SPAG17: variants seen among roughly 807,000 people sequenced by gnomAD.
SPAG17 encodes sperm-associated antigen 17.
In SPAG17, 169 loss-of-function variants were observed where a neutral mutation model predicts 273.6. The ratio of observed to expected loss-of-function variants is 0.62; its 90% confidence interval spans 0.55 to 0.70. The LOEUF (loss-of-function observed/expected upper bound fraction) is 0.70. Among genes scored for constraint, SPAG17 ranks in the 30% least tolerant of loss-of-function variants. The pLI is 0.00. For synonymous variants in SPAG17, 825 were observed against 873.2 expected (o/e 0.94, Z 0.97); for missense variants, 2,557 against 2,627.8 (o/e 0.97, Z 0.59).
At chr1:118,139,319 C>A (rs1658538233) in intron 3 of SPAG17, among the ~76,000 whole-genome samples, 1 of 152,074 alleles carries the variant, frequency 6.6e-6, no homozygotes, top group African/African-American at 2.4e-5. Flanking sequence ...TAACAAGTGT[C>A]AGCCAGGATG....
chr1:118,149,394 T>C (rs1279438218), intron 3 of SPAG17, among the ~76,000 whole-genome samples: 1 of 152,166 alleles, frequency 6.6e-6, no homozygotes, highest in African/African-American at 2.4e-5. Context: ...TTTGGGGGGT[T>C]AATTGATCCC....
At chr1:118,120,393 G>A (rs2102270402) in intron 3 of SPAG17, among the ~76,000 whole-genome samples, 1 of 152,206 alleles carries the variant, frequency 6.6e-6, no homozygotes, top group Non-Finnish European at 1.5e-5. Context: ...AGGTCTATAT[G>A]ATAGGGAAAA....
intron 1 of SPAG17, among the ~76,000 whole-genome samples, chr1:118,164,902 C>T (rs1431743498): frequency 6.6e-6 from 1 of 152,194 alleles, no homozygotes; most frequent in African/African-American, 2.4e-5. Flanking sequence ...GTAAAGCACA[C>T]ACTTTATTGT....
intron 24 of SPAG17, 47 bp downstream of exon 24, chr1:118,036,723 C>T (rs1167729600): frequency 7.7e-7 from 1 of 1,298,166 alleles, no homozygotes; most frequent in Non-Finnish European, 1.1e-6. Context: ...GTGGCAGGGA[C>T]CCTTGGCTGT....
chr1:117,985,073 A>G (rs1656260023), intron 40 of SPAG17, among the ~76,000 whole-genome samples: 1 of 152,236 alleles, frequency 6.6e-6, no homozygotes, highest in Admixed American at 6.5e-5. Flanking sequence ...AAAACCACAT[A>G]GCCCTGTAAT....
Position 118,099,652 on chromosome 1 carries a change from G to A in SPAG17, c.783C>T (p.His261=). 1 of 1,614,092 alleles carries A rather than the reference G, an allele frequency of 6.2e-7. No homozygotes were observed. The part of the protein sequence containing the change: ...SSENYEPLQT[H]LAAVNQQQEV... Reference sequence around the variant, plus strand: ...CCTGCTGCTGGTTAACTGCTGCCAGGTGTGTCTGCAGAGGTTCATAATTCT... The same window carrying A: ...CCTGCTGCTGGTTAACTGCTGCCAGATGTGTCTGCAGAGGTTCATAATTCT... Residue 261 remains histidine, a synonymous_variant, in exon 6 of 49, where the codon CAC becomes CAT. Coordinates refer to ENST00000336338, the MANE Select transcript of SPAG17 (RefSeq NM_206996.4).
At chr1:118,048,765 G>A (rs1303406288) in intron 20 of SPAG17, among the ~76,000 whole-genome samples, 2 of 152,078 alleles carry the variant, frequency 1.3e-5, no homozygotes, top group African/African-American at 4.8e-5. Flanking sequence ...GCATGGTGGT[G>A]TATGCCTGTA....
intron 13 of SPAG17, among the ~76,000 whole-genome samples, chr1:118,083,785 A>G (rs905502918): frequency 3.9e-5 from 6 of 152,100 alleles, no homozygotes; most frequent in Non-Finnish European, 7.4e-5. Context: ...CTCTGTCTCA[A>G]AAAAACAAAA....
At chr1:118,182,131 A>G (rs1208596539) in intron 1 of SPAG17, among the ~76,000 whole-genome samples, 1 of 152,136 alleles carries the variant, frequency 6.6e-6, no homozygotes, top group African/African-American at 2.4e-5. Flanking sequence ...GGAAATTCTG[A>G]GACATGTTAC....
In SPAG17 at chr1:118,066,902, G is replaced by C; in HGVS notation, c.2386-3C>G. The C allele has an allele frequency of 6.3e-7, 1 of 1,597,106 alleles. No individual in the cohort carries two copies. The highest frequency in any genetic ancestry group is 8.5e-7 in the Non-Finnish European group (1 of 1,175,304). On this transcript the variant is annotated splice_region_variant and splice_polypyrimidine_tract_variant and intron_variant, in intron 17 of 48. Transcript: ENST00000336338. ...TGCTTATGGGCTTCTTGAAGGACCTGAAAATCAAAATAATTGCATTGTAGA... is the reference window on the plus strand; with the variant it reads ...TGCTTATGGGCTTCTTGAAGGACCTCAAAATCAAAATAATTGCATTGTAGA...
chr1:118,127,016 G>T (rs1657774557), intron 3 of SPAG17, among the ~76,000 whole-genome samples: 1 of 152,062 alleles, frequency 6.6e-6, no homozygotes, highest in Non-Finnish European at 1.5e-5. Flanking sequence ...TTATTTCTGG[G>T]TTCTCTATTC....
chr1:117,963,045 A>C (rs2101390915), intron 48 of SPAG17: 1 of 152,350 alleles, frequency 6.6e-6, no homozygotes, highest in South Asian at 2.1e-4. Flanking sequence ...ATCACCATAT[A>C]TTCAAGTCCT....
chr1:118,056,196 C>T (rs2102003834), intron 18 of SPAG17, among the ~76,000 whole-genome samples: 1 of 152,172 alleles, frequency 6.6e-6, no homozygotes, highest in South Asian at 2.1e-4. Flanking sequence ...AAGATCTTTC[C>T]ACTGAAGTGA....
chr1:118,058,906 G>T (rs567019562), intron 18 of SPAG17, among the ~76,000 whole-genome samples: 3 of 152,070 alleles, frequency 2.0e-5, no homozygotes, highest in African/African-American at 7.2e-5. Context: ...AATTAAGAAG[G>T]ATTCAAAAAT....
At chr1:118,021,899 A>C (rs1454458600) in intron 28 of SPAG17, among the ~76,000 whole-genome samples, 1 of 152,174 alleles carries the variant, frequency 6.6e-6, no homozygotes, top group Non-Finnish European at 1.5e-5. Flanking sequence ...TTGGAAAGCT[A>C]TCTGGATACT....
rs576596514 is a variant in SPAG17, at chr1:118,046,572, C to T, written c.2815-4530G>A. ...ATAACAAGTTAAATTTCTAGAGCAA[C>T]CACTAGGAGGAAAAAAAAGGTGCCT... is the stretch of plus-strand genomic sequence containing the variant. On this transcript the variant is annotated intron_variant, in intron 20 of 48. Coordinates refer to ENST00000336338, the MANE Select transcript of SPAG17 (RefSeq NM_206996.4). Among the ~76,000 whole-genome samples the T allele has an allele frequency of 7.9e-5, 12 of 151,834 alleles. No homozygotes were observed. In the South Asian group the frequency reaches 2.3e-3, roughly 29 times the overall value.
intron 3 of SPAG17, among the ~76,000 whole-genome samples, chr1:118,118,592 G>A (rs1657236555): frequency 6.6e-6 from 1 of 152,212 alleles, no homozygotes; most frequent in Non-Finnish European, 1.5e-5. Context: ...GGAGAAAAAT[G>A]TTGCCAGGCA....
intron 4 of SPAG17, among the ~76,000 whole-genome samples, chr1:118,106,563 G>A (rs192610349): frequency 6.6e-6 from 1 of 152,124 alleles, no homozygotes; most frequent in African/African-American, 2.4e-5. Context: ...GCAACACCCT[G>A]TGCAACATGT....
chr1:118,072,508 A>T (rs1653704364), intron 17 of SPAG17, among the ~76,000 whole-genome samples: 1 of 152,202 alleles, frequency 6.6e-6, no homozygotes, highest in Non-Finnish European at 1.5e-5. Context: ...AACTAATAGA[A>T]TATCTGTTAT....
Sources: allele counts gnomAD v4.1 joint callset (sites outside exome capture counted in the v4.1 genomes callset), GRCh38; gene constraint gnomAD v4.1.1; transcripts MANE v1.5; gene names NCBI Gene and HGNC (gene_info 2026-07-23, HGNC 2026-07-21).